The following ADHFE1 variants were observed in gnomAD, a reference collection of about 807,000 sequenced individuals.
ADHFE1 encodes hydroxyacid-oxoacid transhydrogenase, mitochondrial.
Under a neutral mutation model 54.8 loss-of-function variants are expected in ADHFE1, and 37 were observed. The ratio of observed to expected loss-of-function variants is 0.68; its 90% CI spans 0.52 to 0.89. ADHFE1 has a LOEUF of 0.89. ADHFE1 is among the 40% of genes least tolerant of loss of function. ADHFE1 has a pLI of 0.00. For synonymous variants in ADHFE1, 203 were observed against 229.3 expected (o/e 0.89, Z 1.04); for missense variants, 601 against 591.2 (o/e 1.02, Z -0.17).
intron 8 of ADHFE1, among the ~76,000 whole-genome samples, chr8:66,451,439 C>G (rs903208239): frequency 6.6e-6 from 1 of 152,166 alleles, no homozygotes; most frequent in African/African-American, 2.4e-5. Flanking sequence ...CACACCAGGT[C>G]CGCAGCAGGA....
chr8:66,452,587 G>A (rs556034213), intron 9 of ADHFE1, among the ~76,000 whole-genome samples: 6 of 152,312 alleles, frequency 3.9e-5, no homozygotes, highest in African/African-American at 1.2e-4. Context: ...CCAGGAGTTC[G>A]AGGTTGCAGT....
intron 1 of ADHFE1, among the ~76,000 whole-genome samples, chr8:66,438,774 G>A (rs1378059026): frequency 6.6e-6 from 1 of 151,982 alleles, no homozygotes; most frequent in Non-Finnish European, 1.5e-5. Flanking sequence ...ATACAGGACA[G>A]GTAGAGGTCC....
At chr8:66,445,788 T>A (rs533807990) in intron 6 of ADHFE1, among the ~76,000 whole-genome samples, 18 of 152,334 alleles carry the variant, frequency 1.2e-4, no homozygotes, top group Non-Finnish European at 2.1e-4. Flanking sequence ...TTAGCTGTTA[T>A]TTTTCTGGTG....
At chr8:66,449,473 C>T (rs1806192249) in intron 8 of ADHFE1, among the ~76,000 whole-genome samples, 1 of 152,236 alleles carries the variant, frequency 6.6e-6, no homozygotes, top group Non-Finnish European at 1.5e-5. Flanking sequence ...TAGCACCTCA[C>T]ATACATCACT....
chr8:66,449,913 G>T (rs1286283372), intron 8 of ADHFE1, among the ~76,000 whole-genome samples: 1 of 152,172 alleles, frequency 6.6e-6, no homozygotes, highest in Non-Finnish European at 1.5e-5. Flanking sequence ...GAGGCCAGGA[G>T]TTTGAGACCA....
At chr8:66,451,890 C>T in intron 8 of ADHFE1, 63 bp from the exon 9 acceptor site, 3 of 1,576,652 alleles carry the variant, frequency 1.9e-6, no homozygotes, top group Non-Finnish European at 2.6e-6. Flanking sequence ...AGGTTGTGAT[C>T]TAAATGGAGG....
chr8:66,439,342 T>C lies in ADHFE1; in HGVS notation c.60-820T>C. The C allele has an allele frequency of 1.0e-6, 1 of 985,526 alleles. No homozygotes were observed. The highest frequency in any genetic ancestry group is 1.2e-6 in the Non-Finnish European group (1 of 830,166). The allele number at this position is 985,526 out of a possible 1,614,324, so 61.0% of individuals were successfully genotyped here. On this transcript the variant is annotated intron_variant, in intron 1 of 13. Transcript: ENST00000396623. This position sits in a 1 kb window ranked among gnomAD's most constrained non-coding sequence, Gnocchi z 4.4. ...AACCCAACGAAACATAAAACCGTCT[T>C]CCCAGCCTCGATCAGAGAGCGAGCA... is the stretch of plus-strand genomic sequence containing the variant.
At position 66,444,590 on chromosome 8, in the gene ADHFE1, G is replaced by T; in HGVS notation, c.199-4G>T. The T allele has an allele frequency of 6.2e-7, 1 of 1,613,980 alleles. No individual in the cohort carries two copies. Among genetic ancestry groups the T allele is most frequent in the Non-Finnish European group, 8.5e-7 (1 of 1,179,976 alleles). On this transcript the variant is annotated splice_polypyrimidine_tract_variant and splice_region_variant and intron_variant, in intron 4 of 13. Transcript: ENST00000396623. The stretch of plus-strand genomic sequence containing the variant: ...TTGAACCTAACTTATAGGTTTTCTT[G>T]TAGGACCTAAAAAACATGGGTGCTA...
rs1029633434 is a variant in ADHFE1 at position 66,432,771 on chromosome 8, C to T, written c.59+196C>T. 1.1e-5 allele frequency: 13 copies of T among 1,229,882 alleles called. No homozygotes were observed. The African/African-American group carries it at 2.0e-4, about 19-fold the overall frequency. 76.2% of individuals were successfully genotyped at this position (1,229,882 alleles called of 1,614,324 possible). On this transcript the variant is annotated intron_variant, in intron 1 of 13. Transcript: ENST00000396623. ...GAGTGCGCGATGCAGCCTCTCAGGG[C>T]GCAGTGAGGCAGCCTTTACTCTGCT...
At chr8:66,454,033 T>C (rs1475299202) in intron 9 of ADHFE1, 26 bp from the exon 10 acceptor site, 1 of 1,612,006 alleles carries the variant, frequency 6.2e-7, no homozygotes, top group Non-Finnish European at 8.5e-7. Context: ...TGATGTGTTA[T>C]TGTTAGGTAT....
In ADHFE1 at chr8:66,445,424, G is replaced by A. The variant is rs2130389072; in HGVS notation, c.550+10G>A. 2 of 1,586,224 alleles carry A rather than the reference G, an allele frequency of 1.3e-6. No homozygotes were observed. The highest frequency in any genetic ancestry group is 4.5e-5 in the East Asian group (2 of 44,248). ...AAGCCTCTGATTGCAGGTAAAGACT[G>A]TTTATTTCTTTGTTTGTTTTATTTT... On this transcript the variant is annotated intron_variant, in intron 6 of 13. Coordinates refer to ENST00000396623, the MANE Select transcript of ADHFE1 (RefSeq NM_144650.3).
At chr8:66,447,199 GAATT>G (rs1806077717) in intron 6 of ADHFE1, 61 bp from the exon 7 acceptor site, 2 of 1,434,448 alleles carry the variant, frequency 1.4e-6, no homozygotes, top group Non-Finnish European at 9.7e-7. Flanking sequence ...TCCTAAGGCT[GAATT>G]AGGTATCTCC....
chr8:66,442,131 G>A (rs1185742173), intron 2 of ADHFE1, among the ~76,000 whole-genome samples: 2 of 151,952 alleles, frequency 1.3e-5, no homozygotes, highest in Non-Finnish European at 2.9e-5. Flanking sequence ...GTGTAAGCAA[G>A]CCTCTAATTC....
At chr8:66,449,469 C>T (rs984253575) in intron 8 of ADHFE1, among the ~76,000 whole-genome samples, 3 of 152,218 alleles carry the variant, frequency 2.0e-5, no homozygotes, top group African/African-American at 4.8e-5. Context: ...GTGTTAGCAC[C>T]TCACATACAT....
intron 6 of ADHFE1, among the ~76,000 whole-genome samples, chr8:66,446,603 A>G (rs1806038488): frequency 6.6e-6 from 1 of 152,228 alleles, no homozygotes; most frequent in South Asian, 2.1e-4. Flanking sequence ...TGCACATTAA[A>G]CACACATGTA....
chr8:66,436,702 A>G (rs184626919), intron 1 of ADHFE1, among the ~76,000 whole-genome samples: 1 of 152,206 alleles, frequency 6.6e-6, no homozygotes, highest in Admixed American at 6.5e-5. Context: ...CATCAGCATC[A>G]AAGGTATTTG....
chr8:66,456,081 T>C (rs1458280788), intron 10 of ADHFE1, among the ~76,000 whole-genome samples: 1 of 152,152 alleles, frequency 6.6e-6, no homozygotes, highest in Non-Finnish European at 1.5e-5. Context: ...CGAGGCTGCA[T>C]TGAGCTATGA....
chr8:66,451,814 T>G (rs997633733), intron 8 of ADHFE1, 139 bp from the exon 9 acceptor site: 2 of 912,224 alleles, frequency 2.2e-6, no homozygotes, highest in South Asian at 1.9e-5. Flanking sequence ...GCTGGTAGAA[T>G]GTACTGTGAT....
intron 12 of ADHFE1, chr8:66,459,477 G>A (rs1806783542): frequency 7.0e-6 from 1 of 143,432 alleles, no homozygotes; most frequent in Admixed American, 7.1e-5. Context: ...GCTCAGGTTG[G>A]TCTTGACCTC....
Sources: gnomAD v4.1 joint callset for allele counts (sites outside exome capture counted in the v4.1 genomes callset) on GRCh38, gnomAD v4.1.1 for gene constraint, Gnocchi (gnomAD v3.1) non-coding constraint, MANE v1.5 for transcripts, NCBI Gene and HGNC (gene_info 2026-07-23, HGNC 2026-07-21) for gene names.